The following CEACAM18 variants were observed in gnomAD, a reference collection of about 807,000 sequenced individuals.
CEACAM18 encodes cell adhesion molecule CEACAM18.
CEACAM18 carries 33 observed loss-of-function variants against 34.3 expected under a neutral mutation model. The observed-to-expected ratio is 0.96, with a 90% CI of 0.73 to 1.29. The LOEUF (loss-of-function observed/expected upper bound fraction) is 1.29. CEACAM18 is among the 50% of genes most tolerant of loss of function. CEACAM18 has a pLI of 0.00. For synonymous variants in CEACAM18, 169 were observed against 180.9 expected (o/e 0.93, Z 0.53); for missense variants, 474 against 485.0 (o/e 0.98, Z 0.21).
exon 4 of CEACAM18, chr19:51,483,239 A>G (rs1167529489): frequency 6.2e-7 from 1 of 1,613,618 alleles, no homozygotes; most frequent in Admixed American, 1.7e-5. Flanking sequence ...TGCACTGTGG[A>G]GAACCCCGTG....
At chr19:51,486,492 C>T (rs1990002597) in intron 5 of CEACAM18, among the ~76,000 whole-genome samples, 1 of 151,994 alleles carries the variant, frequency 6.6e-6, no homozygotes, top group Non-Finnish European at 1.5e-5. Flanking sequence ...GACCGCATCT[C>T]CTTCCTACTA....
rs76009806 is a variant in CEACAM18, at chr19:51,478,625, G to A, written c.-18G>A. ...GTCTCTGGAGGGACCCCTCCTCCTG[G>A]AGGACCCCAGGCAGCTCATGGACCT... On this transcript the variant is annotated 5_prime_UTR_variant, in exon 1 of 6. Coordinates refer to ENST00000396477, the Ensembl canonical transcript of CEACAM18. 1,393 of 1,573,716 alleles carry A rather than the reference G, an allele frequency of 8.9e-4. 22 individuals carry two copies. The East Asian group carries it at 0.029, about 33-fold the overall frequency.
chr19:51,482,900 G>A, intron 3 of CEACAM18, 117 bp from the exon 4 acceptor site: 1 of 1,208,766 alleles, frequency 8.3e-7, no homozygotes, highest in Non-Finnish European at 1.2e-6. Flanking sequence ...CCTGGGGCAG[G>A]TCTAGGGGTT....
intron 4 of CEACAM18, among the ~76,000 whole-genome samples, chr19:51,484,649 T>C (rs1989970658): frequency 1.0e-5 from 1 of 99,310 alleles, no homozygotes; most frequent in African/African-American, 3.2e-5. Context: ...TGAACATTTA[T>C]GCAATGAGTT....
At chr19:51,489,650 T>C (rs561970763) in intron 5 of CEACAM18, among the ~76,000 whole-genome samples, 3 of 152,224 alleles carry the variant, frequency 2.0e-5, no homozygotes, top group South Asian at 4.2e-4. Flanking sequence ...ATGTCGACCA[T>C]ACAGTGAGAT....
At chr19:51,480,730 G>T in intron 2 of CEACAM18, 50 bp downstream of exon 2, 1 of 1,504,784 alleles carries the variant, frequency 6.6e-7, no homozygotes, top group South Asian at 1.2e-5. Context: ...AGCTAGATGT[G>T]ACACATTTGA....
chr19:51,489,301 C>T (rs568940963), intron 5 of CEACAM18, among the ~76,000 whole-genome samples: 17 of 151,650 alleles, frequency 1.1e-4, no homozygotes, highest in Non-Finnish European at 1.8e-4. Context: ...CTCTGATGAA[C>T]AAAAGATGAA....
exon 2 of CEACAM18, chr19:51,480,390 C>T (rs369101950): frequency 3.6e-5 from 58 of 1,612,916 alleles, no homozygotes; most frequent in Non-Finnish European, 4.6e-5. Context: ...ATCACCCAAA[C>T]CCTGGGGATC....
At chr19:51,483,209 A>G (rs1297572165) in exon 4 of CEACAM18, 1 of 1,613,816 alleles carries the variant, frequency 6.2e-7, no homozygotes, top group African/African-American at 1.3e-5. Context: ...CTTGCCTGGG[A>G]GCAGATGGGC....
rs192842668 is a variant in CEACAM18, at chr19:51,484,820, G to A, written c.954-167G>A. ...TAGAATGTCAGGCCCATGGGTACAG[G>A]GAGTTTGTTTTGTTGGCTGCTGAAT... On this transcript the variant is annotated intron_variant, in intron 4 of 5. Coordinates refer to ENST00000396477, the Ensembl canonical transcript of CEACAM18. 54 of 788,232 alleles carry A rather than the reference G, an allele frequency of 6.9e-5. No homozygotes were observed. The African/African-American group carries it at 8.7e-4, about 13-fold the overall frequency. The allele number at this position is 788,232 out of a possible 1,614,324, so 48.8% of individuals were successfully genotyped here. A position where few individuals can be genotyped will look rare whatever the true frequency, so the allele number is the denominator to read the frequency against.
chr19:51,485,510 G>A (rs1424544195), intron 5 of CEACAM18, among the ~76,000 whole-genome samples: 1 of 152,176 alleles, frequency 6.6e-6, no homozygotes, highest in Non-Finnish European at 1.5e-5. Flanking sequence ...ACTATGCAGG[G>A]AGAAGAGATT....
At chr19:51,488,998 A>G (rs1466824275) in intron 5 of CEACAM18, among the ~76,000 whole-genome samples, 2 of 151,674 alleles carry the variant, frequency 1.3e-5, no homozygotes, top group Non-Finnish European at 2.9e-5. Context: ...GATCCCTAAA[A>G]GTATAATGGG....
At chr19:51,482,029 A>G (rs1989925578) in intron 3 of CEACAM18, among the ~76,000 whole-genome samples, 1 of 152,164 alleles carries the variant, frequency 6.6e-6, no homozygotes, top group Admixed American at 6.5e-5. Context: ...GAGCCTTGAA[A>G]TTCTGCTCAT....
chr19:51,482,390 C>T (rs1002453118), intron 3 of CEACAM18, among the ~76,000 whole-genome samples: 5 of 152,288 alleles, frequency 3.3e-5, no homozygotes, highest in African/African-American at 4.8e-5. Context: ...ATCACTTTCA[C>T]GTCTCCTGGA....
intron 4 of CEACAM18, 32 bp downstream of exon 4, chr19:51,483,328 G>C: frequency 6.2e-7 from 1 of 1,612,784 alleles, no homozygotes; most frequent in South Asian, 1.1e-5. Context: ...CTCATGCTTT[G>C]CACATCTCCC....
In CEACAM18 at chr19:51,480,480, A is replaced by G. The variant is rs1989891786; in HGVS notation, c.200A>G (p.Asp67Gly). ...TACAGCTGGTACTGGGGTGCAAACGACAGCGCAGGAAACATGATTATCAGC... is the reference window on the plus strand; with the variant it reads ...TACAGCTGGTACTGGGGTGCAAACGGCAGCGCAGGAAACATGATTATCAGC... The change falls in exon 2 of 6, where the codon GAC (aspartate) becomes GGC (glycine). Residue 67 changes from aspartate to glycine, a missense_variant. Coordinates refer to ENST00000396477, the Ensembl canonical transcript of CEACAM18. The G allele has an allele frequency of 4.3e-6, 7 of 1,613,912 alleles. No individual in the cohort carries two copies. The East Asian group carries it at 1.6e-4, about 36-fold the overall frequency.
At chr19:51,478,659 C>T in exon 1 of CEACAM18, 1 of 1,512,440 alleles carries the variant, frequency 6.6e-7, no homozygotes, top group Non-Finnish European at 8.9e-7. Context: ...CTTTCCAGAC[C>T]CAGATGGAGC....
intron 2 of CEACAM18, among the ~76,000 whole-genome samples, 158 bp from the exon 3 acceptor site, chr19:51,481,235 C>A (rs1352057239): frequency 6.6e-6 from 1 of 152,192 alleles, no homozygotes; most frequent in Non-Finnish European, 1.5e-5. Context: ...TGCCCTGTGC[C>A]TATTCCTCTG....
chr19:51,486,876 C>G (rs1244184195), intron 5 of CEACAM18, among the ~76,000 whole-genome samples: 4 of 150,610 alleles, frequency 2.7e-5, no homozygotes, highest in Admixed American at 6.6e-5. Flanking sequence ...CGCCACCACA[C>G]CTGGCTAATT....
Sources: gnomAD v4.1 joint callset for allele counts (sites outside exome capture counted in the v4.1 genomes callset) on GRCh38, gnomAD v4.1.1 for gene constraint, MANE v1.5 for transcripts, NCBI Gene and HGNC (gene_info 2026-07-23, HGNC 2026-07-21) for gene names.